The following SHISA9 variants were observed in gnomAD, a reference collection of about 807,000 sequenced individuals.
SHISA9 encodes shisa family member 9, also known as protein shisa-9.
SHISA9 carries 13 observed loss-of-function variants against 38.0 expected under a neutral mutation model. The observed-to-expected ratio is 0.34, with a 90% CI of 0.22 to 0.54. The LOEUF (loss-of-function observed/expected upper bound fraction) is 0.54. Among genes scored for constraint, SHISA9 ranks in the 20% least tolerant of loss-of-function variants. SHISA9 has a pLI of 0.91. For synonymous variants in SHISA9, 275 were observed against 242.0 expected, an observed-to-expected ratio of 1.14 and a Z score of -1.27; for missense variants, 538 against 575.8, an observed-to-expected ratio of 0.93 and a Z score of 0.67.
intron 2 of SHISA9, among the ~76,000 whole-genome samples, chr16:13,016,269 C>A (rs1304621072): frequency 2.6e-5 from 4 of 152,042 alleles, no homozygotes; most frequent in African/African-American, 9.7e-5. Context: ...GCCACTGCAC[C>A]TGGCTAAATT....
At chr16:13,071,605 T>TCCCTTCCTTC (rs2073518538) in intron 2 of SHISA9, among the ~76,000 whole-genome samples, 1 of 142,252 alleles carries the variant, frequency 7.0e-6, no homozygotes, top group Admixed American at 7.3e-5. Context: ...TCCTTCCCTT[T>TCCCTTCCTTC]CTTCCCTTCC....
intron 2 of SHISA9, among the ~76,000 whole-genome samples, chr16:13,158,582 A>G (rs996476995): frequency 2.6e-5 from 4 of 152,298 alleles, no homozygotes; most frequent in African/African-American, 9.6e-5. Flanking sequence ...ACCAGCTCCC[A>G]ATTCAAAGAC....
At position 12,902,601 on chromosome 16, in the gene SHISA9, C is replaced by G; in HGVS notation, c.537C>G (p.His179Gln). Residue 179 changes from histidine to glutamine, a missense_variant, in exon 1 of 5, where the codon CAC (histidine) becomes CAG (glutamine). Coordinates refer to ENST00000558583, the MANE Select transcript of SHISA9 (RefSeq NM_001145204.3). Reference sequence around the variant, plus strand: ...CCAAGCTGGGGCTGGAGAAAGCGCACCGGCCCCAAAGGGAGCACATGTCCA... The same window carrying G: ...CCAAGCTGGGGCTGGAGAAAGCGCAGCGGCCCCAAAGGGAGCACATGTCCA... ...IFTKLGLEKAHRPQREHMSRA... is the reference protein window; with the variant it reads ...IFTKLGLEKAQRPQREHMSRA... The G allele has an allele frequency of 1.3e-6, 2 of 1,550,450 alleles. No homozygotes were observed. Among genetic ancestry groups the G allele is most frequent in the East Asian group, 2.4e-5 (1 of 40,890 alleles).
At chr16:12,915,304 A>G (rs73514730) in intron 1 of SHISA9, among the ~76,000 whole-genome samples, 7,670 of 152,210 alleles carry the variant, frequency 0.05, 650 homozygotes, top group African/African-American at 0.18. Flanking sequence ...CCACGTCTCT[A>G]CAAAATAAAA....
intron 2 of SHISA9, among the ~76,000 whole-genome samples, chr16:13,195,066 A>T (rs1489226421): frequency 1.3e-5 from 2 of 152,238 alleles, no homozygotes; most frequent in African/African-American, 4.8e-5. Context: ...TACATATATT[A>T]GCATACATAT....
the SHISA9 span, among the ~76,000 whole-genome samples, chr16:13,422,348 C>T: frequency 6.6e-6 from 1 of 152,038 alleles, no homozygotes; most frequent in African/African-American, 2.4e-5. Context: ...TTTATTAATG[C>T]CATCAACATT....
intron 2 of SHISA9, among the ~76,000 whole-genome samples, chr16:13,010,944 T>G (rs1267207701): frequency 6.6e-6 from 1 of 152,214 alleles, no homozygotes; most frequent in East Asian, 1.9e-4. Flanking sequence ...AAAGTGAGAC[T>G]CTGTCTCAAA....
At chr16:13,179,678 G>T (rs188061127) in intron 2 of SHISA9, among the ~76,000 whole-genome samples, 22 of 152,302 alleles carry the variant, frequency 1.4e-4, no homozygotes, top group African/African-American at 2.4e-4. Flanking sequence ...AAAGGCAAAG[G>T]TTCTCTCCAA....
the SHISA9 span, among the ~76,000 whole-genome samples, chr16:13,560,754 GA>G: frequency 0.75 from 100,421 of 133,112 alleles, 37,282 homozygotes; most frequent in East Asian, 0.95. Flanking sequence ...ACTAAATTAG[GA>G]AAAAAAAAAA....
intron 2 of SHISA9, among the ~76,000 whole-genome samples, chr16:12,932,039 A>G (rs1211825703): frequency 2.0e-5 from 3 of 152,068 alleles, no homozygotes; most frequent in Non-Finnish European, 4.4e-5. Context: ...TTTTTTAATA[A>G]AGTGCAGTCC....
At chr16:12,916,462 T>C (rs995678417) in intron 1 of SHISA9, among the ~76,000 whole-genome samples, 1 of 152,212 alleles carries the variant, frequency 6.6e-6, no homozygotes. Context: ...TGTTATTACA[T>C]GGCTGCTGTG....
chr16:13,502,658 T>G, the SHISA9 span, among the ~76,000 whole-genome samples: 1 of 152,126 alleles, frequency 6.6e-6, no homozygotes, highest in East Asian at 1.9e-4. Context: ...ATGGATCATT[T>G]GAGGTCAAAA....
chr16:13,121,532 T>A (rs1168510271), intron 2 of SHISA9, among the ~76,000 whole-genome samples: 2 of 152,230 alleles, frequency 1.3e-5, no homozygotes, highest in African/African-American at 4.8e-5. Context: ...GTGCATTTCC[T>A]GTAATAATCT....
Position 12,932,650 on chromosome 16 carries a change from C to G in SHISA9, c.691+15835C>G, listed in dbSNP as rs984718896. On this transcript the variant is annotated intron_variant, in intron 2 of 4. Coordinates refer to ENST00000558583, the MANE Select transcript of SHISA9 (RefSeq NM_001145204.3). ...GAGCCACTGTGCCTGCCTGGGTTAT[C>G]TAGATCTTAAAGAGTAAAAGACACA... is the stretch of plus-strand genomic sequence containing the variant. Among the ~76,000 whole-genome samples, 20 of 152,148 alleles carry G rather than the reference C, an allele frequency of 1.3e-4. 1 individual carries two copies. The South Asian group carries it at 2.1e-3, about 16-fold the overall frequency.
chr16:13,044,150 G>A (rs991738690), intron 2 of SHISA9, among the ~76,000 whole-genome samples: 2 of 152,158 alleles, frequency 1.3e-5, no homozygotes, highest in African/African-American at 4.8e-5. Flanking sequence ...CTCTAGGGAA[G>A]GGGTCCTAAA....
the SHISA9 span, among the ~76,000 whole-genome samples, chr16:13,437,923 T>TGTTTCTTTTTTTTTTTTTTGAGACA: frequency 6.7e-6 from 1 of 150,056 alleles, no homozygotes; most frequent in Non-Finnish European, 1.5e-5. Context: ...TGGAGTGCAG[T>TGTTTCTTTTTTTTTTTTTTGAGACA]GACGTGATCT....
the SHISA9 span, among the ~76,000 whole-genome samples, chr16:13,414,650 CTTTTT>C: frequency 7.0e-6 from 1 of 143,214 alleles, no homozygotes; most frequent in Admixed American, 7.2e-5. Flanking sequence ...TTCTTTCTTT[CTTTTT>C]TTTTTTTCAG....
At chr16:13,478,600 C>T in the SHISA9 span, among the ~76,000 whole-genome samples, 2 of 152,176 alleles carry the variant, frequency 1.3e-5, no homozygotes, top group African/African-American at 4.8e-5. Flanking sequence ...CTCTAATAGT[C>T]TAGGATTTTG....
the SHISA9 span, among the ~76,000 whole-genome samples, chr16:13,300,200 C>G: frequency 6.6e-6 from 1 of 152,156 alleles, no homozygotes; most frequent in Non-Finnish European, 1.5e-5. Flanking sequence ...TCTTCCCTCC[C>G]CAGTACGCCT....
Sources: gnomAD v4.1 joint callset for allele counts (sites outside exome capture counted in the v4.1 genomes callset) on GRCh38, gnomAD v4.1.1 for gene constraint, MANE v1.5 for transcripts, NCBI Gene and HGNC (gene_info 2026-07-23, HGNC 2026-07-21) for gene names.